Variants in ARMC9 observed in about 807,000 individuals in gnomAD.
The protein encoded by ARMC9 is armadillo repeat containing 9.
Under a neutral mutation model 107.0 loss-of-function variants are expected in ARMC9, and 94 were observed. The observed-to-expected ratio is 0.88, with a 90% CI of 0.74 to 1.04. The LOEUF (loss-of-function observed/expected upper bound fraction) is 1.04, where lower values mean the gene tolerates loss of function less well. ARMC9 is among the 50% of genes least tolerant of loss of function. The pLI, the probability that ARMC9 is intolerant of heterozygous loss-of-function variation, is 0.00. For synonymous variants in ARMC9, 380 were observed against 396.9 expected (o/e 0.96, Z 0.51); for missense variants, 942 against 1,030.1 (o/e 0.91, Z 1.17).
chr2:231,228,431 C>T (rs1249996823), intron 7 of ARMC9, among the ~76,000 whole-genome samples: 4 of 152,160 alleles, frequency 2.6e-5, no homozygotes, highest in Admixed American at 2.6e-4. Context: ...CTGGCTGTCA[C>T]GTGGGGTCTC....
At chr2:231,284,505 AG>A (rs1574945236) in intron 17 of ARMC9, among the ~76,000 whole-genome samples, 1 of 152,176 alleles carries the variant, frequency 6.6e-6, no homozygotes, top group East Asian at 1.9e-4. Flanking sequence ...AGGAGGCCTC[AG>A]TTTTCTTCTG....
At chr2:231,218,598 A>G (rs1229521934) in intron 5 of ARMC9, among the ~76,000 whole-genome samples, 1 of 152,198 alleles carries the variant, frequency 6.6e-6, no homozygotes, top group African/African-American at 2.4e-5. Flanking sequence ...TTGGTGTTCC[A>G]AGGTGGAGTT....
rs975838699 is a variant in ARMC9, at chr2:231,358,878, A to G, written c.2132-1876A>G. Among the ~76,000 whole-genome samples, 1 of 152,200 alleles carries G rather than the reference A, an allele frequency of 6.6e-6. No individual in the cohort carries two copies. Among genetic ancestry groups the G allele is most frequent in the Non-Finnish European group, 1.5e-5 (1 of 68,038 alleles). ...GCAGAACGTTGGCCTAAGGAAAGCT[A>G]TTCTCATTTCCCCACCAACCAGGAC... On this transcript the variant is annotated intron_variant, in intron 22 of 24. Coordinates refer to ENST00000611582, the MANE Select transcript of ARMC9 (RefSeq NM_001352754.2). This position sits in a 1 kb window ranked among gnomAD's most constrained non-coding sequence, Gnocchi z 4.5.
At chr2:231,223,177 A>G (rs1265030840) in intron 6 of ARMC9, among the ~76,000 whole-genome samples, 1 of 152,216 alleles carries the variant, frequency 6.6e-6, no homozygotes, top group Non-Finnish European at 1.5e-5. Context: ...TGGCATATGG[A>G]TCGGGTGACC....
intron 17 of ARMC9, among the ~76,000 whole-genome samples, chr2:231,285,916 A>G (rs1386030221): frequency 6.6e-6 from 1 of 152,176 alleles, no homozygotes; most frequent in African/African-American, 2.4e-5. Context: ...TAGGTCTCAC[A>G]TGGGTGCATT....
At chr2:231,333,325 A>T (rs1051224078) in intron 20 of ARMC9, among the ~76,000 whole-genome samples, 1 of 152,222 alleles carries the variant, frequency 6.6e-6, no homozygotes, top group African/African-American at 2.4e-5. Context: ...CTCATGTTCT[A>T]ACATATCCAC....
At chr2:231,336,762 C>A (rs1189718829) in intron 20 of ARMC9, among the ~76,000 whole-genome samples, 2 of 152,186 alleles carry the variant, frequency 1.3e-5, no homozygotes, top group Admixed American at 1.3e-4. Context: ...TGGCAGTGCC[C>A]CAGGAGTGTG....
chr2:231,339,421 T>C (rs1253381193), intron 20 of ARMC9, among the ~76,000 whole-genome samples: 3 of 152,002 alleles, frequency 2.0e-5, no homozygotes, highest in Non-Finnish European at 4.4e-5. Flanking sequence ...AAAGAAAATG[T>C]TTATGTAAAT....
At chr2:231,330,465 A>C in intron 19 of ARMC9, among the ~76,000 whole-genome samples, 1 of 151,988 alleles carries the variant, frequency 6.6e-6, no homozygotes. Context: ...GGCTCCTCCA[A>C]CACCACCCCA....
At chr2:231,294,463 T>G (rs1192784808) in intron 18 of ARMC9, 1 of 152,370 alleles carries the variant, frequency 6.6e-6, no homozygotes, top group Non-Finnish European at 1.5e-5. Context: ...GGGCACCTCA[T>G]GGAGTGTGGA....
rs1354895424 is a variant in ARMC9, at chr2:231,297,290, G to A, written c.1773+1037G>A. On this transcript the variant is annotated intron_variant, in intron 19 of 24. Coordinates refer to ENST00000611582, the MANE Select transcript of ARMC9 (RefSeq NM_001352754.2). The surrounding 1 kb of genome is among the most constrained non-coding windows in gnomAD (Gnocchi z 4.2). ...AGTGCAGAGCTTGACCTCCAGATAG[G>A]GGTCCTGGCCCCTATCATCTTCTCC... Among the ~76,000 whole-genome samples, 2 of 152,132 alleles carry A rather than the reference G, an allele frequency of 1.3e-5. No homozygotes were observed. The highest frequency in any genetic ancestry group is 4.8e-5 in the African/African-American group (2 of 41,420).
At chr2:231,288,593 TGTGTA>T (rs1429550599) in intron 17 of ARMC9, 1 of 470,780 alleles carries the variant, frequency 2.1e-6, no homozygotes, top group Non-Finnish European at 4.4e-6. Flanking sequence ...TTAGTTGTTC[TGTGTA>T]GTGTTCAGTG....
chr2:231,353,133 C>T lies in ARMC9; in HGVS notation c.1995-2665C>T, dbSNP rs2045176738. Among the ~76,000 whole-genome samples, 2 of 131,534 alleles carry T rather than the reference C, an allele frequency of 1.5e-5. 1 individual carries two copies. The highest frequency in any genetic ancestry group is 8.9e-5 in the African/African-American group (2 of 22,456). 86.3% of individuals were successfully genotyped at this position (131,534 alleles called of 152,430 possible). ...TTTCTTTTCCCCTTTTGGGCTTTGA[C>T]TGTTGCTTGAGATGCTATGCTTGGA... is the stretch of plus-strand genomic sequence containing the variant. On this transcript the variant is annotated intron_variant, in intron 21 of 24. Coordinates refer to ENST00000611582, the MANE Select transcript of ARMC9 (RefSeq NM_001352754.2).
chr2:231,320,593 C>A (rs1445308012), intron 19 of ARMC9, among the ~76,000 whole-genome samples: 1 of 151,504 alleles, frequency 6.6e-6, no homozygotes, highest in East Asian at 1.9e-4. Context: ...CCTTTCCTTC[C>A]TTTTCTTCCG....
At position 231,362,686 on chromosome 2, in the gene ARMC9, C is replaced by T. The variant is rs1397407619; in HGVS notation, c.2261+1803C>T. On this transcript the variant is annotated intron_variant, in intron 23 of 24. Transcript: ENST00000611582. The surrounding 1 kb of genome is among the most constrained non-coding windows in gnomAD (Gnocchi z 4.7). ...TACAAGTTGTTCCATCTTCCTCTTC[C>T]TCCCTCACTGGCAACGTCATCTAGA... is the stretch of plus-strand genomic sequence containing the variant. 1 of 152,758 alleles carries T rather than the reference C, an allele frequency of 6.5e-6. No individual in the cohort carries two copies. Among genetic ancestry groups the T allele is most frequent in the Admixed American group, 6.7e-5 (1 of 15,036 alleles). The allele number at this position is 152,758 out of a possible 1,614,324, so 9.5% of individuals were successfully genotyped here.
intron 17 of ARMC9, among the ~76,000 whole-genome samples, chr2:231,286,376 A>T (rs1363366214): frequency 6.6e-6 from 1 of 152,144 alleles, no homozygotes; most frequent in Non-Finnish European, 1.5e-5. Context: ...CAGCCTCCCA[A>T]AGTGCTGGGA....
At chr2:231,271,203 A>G in intron 13 of ARMC9, 131 bp downstream of exon 13, 1 of 841,570 alleles carries the variant, frequency 1.2e-6, no homozygotes, top group East Asian at 2.7e-5. Context: ...TAATTCATCT[A>G]AGGTCTTTTG....
At chr2:231,283,474 G>C (rs1260938937) in intron 17 of ARMC9, among the ~76,000 whole-genome samples, 1 of 152,178 alleles carries the variant, frequency 6.6e-6, no homozygotes, top group Non-Finnish European at 1.5e-5. Context: ...CTGTCACCCA[G>C]ACTGGAGTAC....
At chr2:231,233,000 G>A (rs1341676869) in intron 7 of ARMC9, among the ~76,000 whole-genome samples, 4 of 151,754 alleles carry the variant, frequency 2.6e-5, no homozygotes, top group African/African-American at 9.7e-5. Context: ...ACAGGTGCGT[G>A]CCTCCACGCC....
Sources: gnomAD v4.1 joint callset for allele counts (sites outside exome capture counted in the v4.1 genomes callset) on GRCh38, gnomAD v4.1.1 for gene constraint, Gnocchi (gnomAD v3.1) non-coding constraint, MANE v1.5 for transcripts, NCBI Gene and HGNC (gene_info 2026-07-23, HGNC 2026-07-21) for gene names.